The following RAB2A variants were observed in gnomAD, a reference collection of about 807,000 sequenced individuals.
The protein encoded by RAB2A is RAB2A, member RAS oncogene family.
A neutral mutation model predicts 32.5 loss-of-function variants in RAB2A; 7 were observed. That is an observed-to-expected ratio of 0.22 (90% CI 0.12 to 0.40). The LOEUF (loss-of-function observed/expected upper bound fraction) is 0.40. Ranked by LOEUF, RAB2A falls within the 10% of genes least tolerant of loss-of-function variation. The probability of loss-of-function intolerance (pLI) is 1.00; values close to 1 mark genes in which losing one functional copy is unlikely to be tolerated. For missense variants in RAB2A, 108 were observed against 260.7 expected (o/e 0.41, Z 4.03); for synonymous variants, 79 against 85.2 (o/e 0.93, Z 0.40).
intron 5 of RAB2A, among the ~76,000 whole-genome samples, chr8:60,585,225 G>A (rs1803828268): frequency 6.6e-6 from 1 of 152,144 alleles, no homozygotes; most frequent in South Asian, 2.1e-4. Context: ...ACTAATTTTT[G>A]TAGAAACTTA....
At chr8:60,617,344 T>C (rs1223638149) in intron 6 of RAB2A, among the ~76,000 whole-genome samples, 4 of 152,190 alleles carry the variant, frequency 2.6e-5, no homozygotes, top group Admixed American at 1.3e-4. Flanking sequence ...AAGCGTCCTT[T>C]GATTTTGCTT....
At chr8:60,615,638 AC>A (rs1268898901) in intron 6 of RAB2A, among the ~76,000 whole-genome samples, 1 of 152,094 alleles carries the variant, frequency 6.6e-6, no homozygotes, top group African/African-American at 2.4e-5. Context: ...TATCTGTGAC[AC>A]CCAAGGCTCT....
At chr8:60,533,931 C>A (rs762816961) in intron 1 of RAB2A, among the ~76,000 whole-genome samples, 1 of 152,104 alleles carries the variant, frequency 6.6e-6, no homozygotes, top group Non-Finnish European at 1.5e-5. Flanking sequence ...CCACTATACT[C>A]CAGCCTGGGC....
intron 5 of RAB2A, among the ~76,000 whole-genome samples, chr8:60,590,358 C>G (rs1675559627): frequency 6.6e-6 from 1 of 151,238 alleles, no homozygotes; most frequent in Non-Finnish European, 1.5e-5. Flanking sequence ...CCTACCCAGG[C>G]TTAACGCAGT....
chr8:60,522,104 G>A (rs376570176), intron 1 of RAB2A, among the ~76,000 whole-genome samples: 2 of 152,304 alleles, frequency 1.3e-5, no homozygotes, highest in East Asian at 1.9e-4. Context: ...GGGGCACATG[G>A]GGAAAGTTAT....
chr8:60,609,303 A>G (rs1045989627), intron 6 of RAB2A, among the ~76,000 whole-genome samples: 2 of 152,222 alleles, frequency 1.3e-5, no homozygotes, highest in Non-Finnish European at 2.9e-5. Flanking sequence ...GTGTTCCATG[A>G]CACCAGCATG....
chr8:60,590,364 G>A (rs1298052087), intron 5 of RAB2A, among the ~76,000 whole-genome samples: 1 of 150,636 alleles, frequency 6.6e-6, no homozygotes. Flanking sequence ...CAGGCTTAAC[G>A]CAGTGTCTCA....
At chr8:60,549,873 T>TC (rs1454352151) in intron 1 of RAB2A, among the ~76,000 whole-genome samples, 1 of 147,746 alleles carries the variant, frequency 6.8e-6, no homozygotes, top group Non-Finnish European at 1.5e-5. Context: ...CTATTCGTCC[T>TC]CCTTTTGAAA....
At position 60,622,286 on chromosome 8, in the gene RAB2A, C is replaced by T. The variant is rs1340702700; in HGVS notation, c.*1517C>T. The T allele has an allele frequency of 2.0e-5, 3 of 152,228 alleles. No individual in the cohort carries two copies. Among genetic ancestry groups the T allele is most frequent in the African/African-American group, 7.2e-5 (3 of 41,464 alleles). The allele number at this position is 152,228 out of a possible 1,614,324, so 9.4% of individuals were successfully genotyped here. On this transcript the variant is annotated 3_prime_UTR_variant, in exon 8 of 8. Transcript: ENST00000262646. The stretch of plus-strand genomic sequence containing the variant: ...TCTGAAACTAACTACTTTCATTTCG[C>T]TCATGGCCTTCAACTTTCTACAGGT...
At chr8:60,584,154 A>C in intron 3 of RAB2A, 54 bp from the exon 4 acceptor site, 1 of 1,356,810 alleles carries the variant, frequency 7.4e-7, no homozygotes, top group Admixed American at 1.7e-5. Flanking sequence ...ATAATATGAA[A>C]ATGTAGAGGA....
intron 6 of RAB2A, among the ~76,000 whole-genome samples, chr8:60,611,635 A>G (rs766630018): frequency 1.3e-5 from 2 of 152,258 alleles, no homozygotes; most frequent in Non-Finnish European, 2.9e-5. Context: ...TGGAAGAACT[A>G]AATTGCTAAG....
chr8:60,594,155 A>T (rs979550422), intron 6 of RAB2A, among the ~76,000 whole-genome samples: 16 of 152,204 alleles, frequency 1.1e-4, no homozygotes, highest in Non-Finnish European at 1.6e-4. Flanking sequence ...CTGACGTTAT[A>T]TGATGCATCA....
intron 6 of RAB2A, among the ~76,000 whole-genome samples, chr8:60,597,210 A>G (rs940504021): frequency 1.3e-5 from 2 of 152,244 alleles, no homozygotes; most frequent in African/African-American, 4.8e-5. Context: ...CATCAGTGAT[A>G]GACTGGATAA....
chr8:60,552,593 A>G (rs910341555), intron 1 of RAB2A: 6 of 152,238 alleles, frequency 3.9e-5, no homozygotes, highest in Admixed American at 1.3e-4. Context: ...AAAATTTTAA[A>G]GCTCTAAATA....
chr8:60,616,618 C>G (rs563415751), intron 6 of RAB2A, among the ~76,000 whole-genome samples: 1 of 152,386 alleles, frequency 6.6e-6, no homozygotes, highest in African/African-American at 2.4e-5. Context: ...CAGTTTAGCT[C>G]TAGCACATAC....
At chr8:60,576,491 G>A (rs1485970585) in intron 3 of RAB2A, among the ~76,000 whole-genome samples, 1 of 152,076 alleles carries the variant, frequency 6.6e-6, no homozygotes, top group South Asian at 2.1e-4. Flanking sequence ...TATCCACTCA[G>A]CTTCCCTAGA....
intron 1 of RAB2A, among the ~76,000 whole-genome samples, chr8:60,537,814 G>A (rs183711627): frequency 4.7e-4 from 72 of 152,190 alleles, no homozygotes; most frequent in African/African-American, 1.7e-3. Flanking sequence ...CTGAGTAGTT[G>A]GGACTGCAGG....
chr8:60,585,282 T>TTTTGTTTTGTTTTGTTTTGTTTTGTTTTG (rs1563478268), intron 5 of RAB2A, among the ~76,000 whole-genome samples: 4 of 148,538 alleles, frequency 2.7e-5, no homozygotes, highest in African/African-American at 7.6e-5. Flanking sequence ...GGCACCATTC[T>TTTTGTTTTGTTTTGTTTTGTTTTGTTTTG]TTTTGTTTTG....
Position 60,517,170 on chromosome 8 carries a change from G to C in RAB2A, c.-38G>C, listed in dbSNP as rs1490841154. The stretch of plus-strand genomic sequence containing the variant: ...GCGCGGAGGAGGAGCAGCAGCGGGA[G>C]GAGGAGCCGTGTGCCCTGGCACTGA... On this transcript the variant is annotated 5_prime_UTR_variant, in exon 1 of 8. Transcript: ENST00000262646. The C allele has an allele frequency of 1.4e-6, 2 of 1,475,192 alleles. No individual in the cohort carries two copies. Among genetic ancestry groups the C allele is most frequent in the African/African-American group, 1.5e-5 (1 of 68,058 alleles). The allele number at this position is 1,475,192 out of a possible 1,614,324, so 91.4% of individuals were successfully genotyped here. A position where few individuals can be genotyped will look rare whatever the true frequency, so the allele number is the denominator to read the frequency against.
Sources: gnomAD v4.1 joint callset for allele counts (sites outside exome capture counted in the v4.1 genomes callset) on GRCh38, gnomAD v4.1.1 for gene constraint, MANE v1.5 for transcripts, NCBI Gene and HGNC (gene_info 2026-07-23, HGNC 2026-07-21) for gene names.